Variants in OR5AN1 observed in about 807,000 individuals in gnomAD.
The protein encoded by OR5AN1 is olfactory receptor family 5 subfamily AN member 1, also known as olfactory receptor 5AN1.
For missense variants in OR5AN1, 476 were observed against 368.9 expected, an observed-to-expected ratio of 1.29 and a Z score of -2.38; for synonymous variants, 167 against 131.8, an observed-to-expected ratio of 1.27 and a Z score of -1.83.
In OR5AN1 at chr11:59,365,526, T is replaced by C. The variant is rs1857521426; in HGVS notation, c.*132T>C. The C allele has an allele frequency of 4.9e-6, 3 of 617,060 alleles. No homozygotes were observed. The highest frequency in any genetic ancestry group is 1.8e-5 in the African/African-American group (1 of 54,304). 38.2% of individuals were successfully genotyped at this position (617,060 alleles called of 1,614,324 possible). On this transcript the variant is annotated 3_prime_UTR_variant, in exon 2 of 2. Transcript: ENST00000641998. Reference sequence around the variant, plus strand: ...TTTGGACAAAGAAGGCTTGATTTGATGCACAAAATATGCCAATATGGACCA... The same window carrying C: ...TTTGGACAAAGAAGGCTTGATTTGACGCACAAAATATGCCAATATGGACCA...
intron 1 of OR5AN1, chr11:59,359,696 C>G (rs1857442953): frequency 6.6e-6 from 1 of 152,186 alleles, no homozygotes; most frequent in Non-Finnish European, 1.5e-5. Context: ...AAATTGCTCT[C>G]TGTTGTAATT....
chr11:59,363,700 A>T lies in OR5AN1; in HGVS notation c.-13-746A>T, dbSNP rs116653932. ...AGTATTTTAAATCTACTTAGATAAC[A>T]ATCCAGGGCAGGACTGTTGTCCATC... On this transcript the variant is annotated intron_variant, in intron 1 of 1. Coordinates refer to ENST00000641998, the MANE Select transcript of OR5AN1 (RefSeq NM_001004729.2). 3.9e-3 allele frequency among the ~76,000 whole-genome samples: 601 copies of T among 152,346 alleles called. 4 individuals are homozygous for T. Among genetic ancestry groups the T allele is most frequent in the African/African-American group, 0.014 (566 of 41,576 alleles).
Position 59,367,604 on chromosome 11 carries a change from G to A in OR5AN1, c.*2210G>A, listed in dbSNP as rs1031393547. 6.6e-6 allele frequency: 1 copy of A among 152,266 alleles called. No individual in the cohort carries two copies. Among genetic ancestry groups the A allele is most frequent in the South Asian group, 2.1e-4 (1 of 4,832 alleles). 9.4% of individuals were successfully genotyped at this position (152,266 alleles called of 1,614,324 possible). A position where few individuals can be genotyped will look rare whatever the true frequency, so the allele number is the denominator to read the frequency against. ...TACCTCCCTAAGAAGGAGCTCAAAG[G>A]GAAGAGCTGGGCTGTCATCTTTGCT... is the stretch of plus-strand genomic sequence containing the variant. On this transcript the variant is annotated 3_prime_UTR_variant, in exon 2 of 2. Transcript: ENST00000641998.
rs1490893421 is a variant in OR5AN1, at chr11:59,364,547, C to A, written c.89C>A (p.Thr30Asn). ...DFPRIIKVLF[T>N]IFLVIYITSL... ...CCCAGGATCATAAAAGTGCTCTTCA[C>A]TATATTCCTGGTGATCTACATTACA... is the stretch of plus-strand genomic sequence containing the variant. The change falls in exon 2 of 2, where the codon ACT (threonine) becomes AAT (asparagine). Residue 30 changes from threonine (T) to asparagine (N), a missense_variant. Coordinates refer to ENST00000641998, the MANE Select transcript of OR5AN1 (RefSeq NM_001004729.2). 1 of 1,613,816 alleles carries A rather than the reference C, an allele frequency of 6.2e-7. No individual in the cohort carries two copies. Among genetic ancestry groups the A allele is most frequent in the South Asian group, 1.1e-5 (1 of 91,076 alleles).
In OR5AN1 at chr11:59,365,073, G is replaced by C. The variant is rs1003349469; in HGVS notation, c.615G>C (p.Met205Ile). 1 of 1,613,992 alleles carries C rather than the reference G, an allele frequency of 6.2e-7. No homozygotes were observed. The highest frequency in any genetic ancestry group is 1.3e-5 in the African/African-American group (1 of 74,926). ...AGGTCATGACTGCTATATTAACCATGTTCTTTGGGATAGCAAGTGCCCTAG... is the reference window on the plus strand; with the variant it reads ...AGGTCATGACTGCTATATTAACCATCTTCTTTGGGATAGCAAGTGCCCTAG... ...FVQVMTAILTMFFGIASALVI... is the reference protein window; with the variant it reads ...FVQVMTAILTIFFGIASALVI... Residue 205 changes from methionine to isoleucine, a missense_variant, in exon 2 of 2, where the codon ATG becomes ATC. Met to Ile is a conservative substitution (Grantham distance 10). Coordinates refer to ENST00000641998, the MANE Select transcript of OR5AN1 (RefSeq NM_001004729.2).
At position 59,365,070 on chromosome 11, in the gene OR5AN1, C is replaced by T. The variant is rs768925661; in HGVS notation, c.612C>T (p.Thr204=). The T allele has an allele frequency of 3.1e-6, 5 of 1,613,960 alleles. No individual in the cohort carries two copies. In the African/African-American group the frequency reaches 5.3e-5, roughly 17 times the overall value. Residue 204 remains threonine (T), a synonymous_variant, in exon 2 of 2, where the codon ACC becomes ACT. Transcript: ENST00000641998. ...FFVQVMTAIL[T]MFFGIASALV... ...TACAGGTCATGACTGCTATATTAAC[C>T]ATGTTCTTTGGGATAGCAAGTGCCC...
intron 1 of OR5AN1, among the ~76,000 whole-genome samples, chr11:59,362,915 A>G (rs1857479593): frequency 1.3e-5 from 2 of 152,300 alleles, no homozygotes; most frequent in South Asian, 4.1e-4. Flanking sequence ...CTGGTTTTCC[A>G]CTGACCTAGT....
chr11:59,362,262 G>GTT (rs1857473172), intron 1 of OR5AN1, among the ~76,000 whole-genome samples: 1 of 151,964 alleles, frequency 6.6e-6, no homozygotes. Context: ...TTATGTAAGA[G>GTT]TTTTTCTGCC....
chr11:59,363,557 G>C (rs764325603), intron 1 of OR5AN1, among the ~76,000 whole-genome samples: 3 of 151,918 alleles, frequency 2.0e-5, no homozygotes, highest in African/African-American at 2.4e-5. Flanking sequence ...AATATTATCA[G>C]AATTTATGAT....
Position 59,369,265 on chromosome 11 carries a change from G to A in OR5AN1, c.*3871G>A, listed in dbSNP as rs1021514499. ...TTCTCCAGCAAAGGTCCTTAACCAG[G>A]CCAAACTGGCTAGAATGACAGAAAT... On this transcript the variant is annotated 3_prime_UTR_variant, in exon 2 of 2. Coordinates refer to ENST00000641998, the MANE Select transcript of OR5AN1 (RefSeq NM_001004729.2). 6.6e-6 allele frequency: 1 copy of A among 151,864 alleles called. No individual in the cohort carries two copies. Among genetic ancestry groups the A allele is most frequent in the African/African-American group, 2.4e-5 (1 of 41,350 alleles). 9.4% of individuals were successfully genotyped at this position (151,864 alleles called of 1,614,324 possible). A position where few individuals can be genotyped will look rare whatever the true frequency, so the allele number is the denominator to read the frequency against.
rs1857528780 is a variant in OR5AN1 at position 59,366,041 on chromosome 11, T to A, written c.*647T>A. ...GCAATTTCCTTGCCTACACCAGCTG[T>A]AGCATAAGAAAGAAGGAGGTGATTT... On this transcript the variant is annotated 3_prime_UTR_variant, in exon 2 of 2. Transcript: ENST00000641998. The A allele has an allele frequency of 6.6e-6, 1 of 152,186 alleles. No individual in the cohort carries two copies. Among genetic ancestry groups the A allele is most frequent in the Admixed American group, 6.5e-5 (1 of 15,276 alleles). The allele number at this position is 152,186 out of a possible 1,614,324, so 9.4% of individuals were successfully genotyped here. A position where few individuals can be genotyped will look rare whatever the true frequency, so the allele number is the denominator to read the frequency against.
chr11:59,364,017 C>T (rs1857494435), intron 1 of OR5AN1, among the ~76,000 whole-genome samples: 1 of 152,172 alleles, frequency 6.6e-6, no homozygotes, highest in African/African-American at 2.4e-5. Flanking sequence ...CCCACCTCAG[C>T]CTCCCCAGGT....
At chr11:59,361,981 TG>T (rs1456840720) in intron 1 of OR5AN1, among the ~76,000 whole-genome samples, 2,614 of 151,626 alleles carry the variant, frequency 0.017, 71 homozygotes, top group African/African-American at 0.061. Flanking sequence ...AGTGTGTGTG[TG>T]TTTGTGTGTG....
Position 59,364,788 on chromosome 11 carries a change from G to A in OR5AN1, c.330G>A (p.Leu110=), listed in dbSNP as rs760536044. The part of the protein sequence containing the change: ...IQYFIFSTMG[L]SESCLMTAMA... ...ACTTTATCTTTTCAACGATGGGACT[G>A]AGTGAGTCTTGTCTCATGACAGCCA... The change falls in exon 2 of 2, where the codon CTG becomes CTA. Residue 110 remains leucine, a synonymous_variant. Transcript: ENST00000641998. 6.2e-7 allele frequency: 1 copy of A among 1,614,066 alleles called. No individual in the cohort carries two copies.
At chr11:59,363,199 A>G (rs1479655964) in intron 1 of OR5AN1, among the ~76,000 whole-genome samples, 1 of 152,250 alleles carries the variant, frequency 6.6e-6, no homozygotes, top group South Asian at 2.1e-4. Flanking sequence ...CAATTGCTGT[A>G]TACGTAAATG....
rs1001816832 is a variant in OR5AN1 at position 59,365,559 on chromosome 11, A to G, written c.*165A>G. 9.2e-6 allele frequency: 5 copies of G among 546,070 alleles called. No homozygotes were observed. Among genetic ancestry groups the G allele is most frequent in the Non-Finnish European group, 1.6e-5 (5 of 311,960 alleles). 33.8% of individuals were successfully genotyped at this position (546,070 alleles called of 1,614,324 possible). On this transcript the variant is annotated 3_prime_UTR_variant, in exon 2 of 2. Transcript: ENST00000641998. Reference sequence around the variant, plus strand: ...ATATGCCAATATGGACCAACAGATGACTCAATGCCACAGACATCAGGATCT... The same window carrying G: ...ATATGCCAATATGGACCAACAGATGGCTCAATGCCACAGACATCAGGATCT...
rs1857571605 is a variant in OR5AN1, at chr11:59,369,599, A to C, written c.*4205A>C. 1 of 152,228 alleles carries C rather than the reference A, an allele frequency of 6.6e-6. No individual in the cohort carries two copies. Among genetic ancestry groups the C allele is most frequent in the Non-Finnish European group, 1.5e-5 (1 of 68,030 alleles). 9.4% of individuals were successfully genotyped at this position (152,228 alleles called of 1,614,324 possible). On this transcript the variant is annotated 3_prime_UTR_variant, in exon 2 of 2. Transcript: ENST00000641998. ...AAAAAAAGAAATAAACAAAGCCTCC[A>C]AGAAGTATGGGTTATGTAAACAGGC...
intron 1 of OR5AN1, among the ~76,000 whole-genome samples, chr11:59,361,302 T>A (rs1412361104): frequency 2.0e-5 from 3 of 152,200 alleles, no homozygotes; most frequent in Non-Finnish European, 2.9e-5. Context: ...TTTTTTGTTT[T>A]GAGGAGTCTC....
In OR5AN1 at chr11:59,364,601, T is replaced by C. The variant is rs1000598294; in HGVS notation, c.143T>C (p.Val48Ala). ...CTGGCCTGGAACCTCTCCCTCATTG[T>C]TTTAATAAGGATGGATTCCCACCTC... ...TSLAWNLSLIVLIRMDSHLHT... is the reference protein window; with the variant it reads ...TSLAWNLSLIALIRMDSHLHT... The change falls in exon 2 of 2, where the codon GTT (valine) becomes GCT (alanine). Residue 48 changes from valine (V) to alanine (A), a missense_variant. Transcript: ENST00000641998. 4 of 1,613,938 alleles carry C rather than the reference T, an allele frequency of 2.5e-6. No homozygotes were observed. The highest frequency in any genetic ancestry group is 1.1e-5 in the South Asian group (1 of 91,086).
Sources: allele counts gnomAD v4.1 joint callset (sites outside exome capture counted in the v4.1 genomes callset), GRCh38; gene constraint gnomAD v4.1.1; transcripts MANE v1.5; gene names NCBI Gene and HGNC (gene_info 2026-07-23, HGNC 2026-07-21).